RGR: variants seen among roughly 807,000 people sequenced by gnomAD.
RGR encodes the protein RPE-retinal G protein-coupled receptor.
A neutral mutation model predicts 28.6 loss-of-function variants in RGR; 30 were observed. That is an observed-to-expected ratio of 1.05 (90% CI 0.78 to 1.42). RGR has a LOEUF of 1.42. Among genes scored for constraint, RGR ranks in the 40% most tolerant of loss-of-function variants. The pLI is 0.00. For synonymous variants in RGR, 180 were observed against 156.4 expected (o/e 1.15, Z -1.13); for missense variants, 404 against 375.6 (o/e 1.08, Z -0.62).
intron 3 of RGR, 133 bp from the exon 4 acceptor site, chr10:84,252,724 C>A: frequency 8.6e-7 from 1 of 1,168,448 alleles, no homozygotes; most frequent in Non-Finnish European, 1.3e-6. Context: ...ATCCTGTAAT[C>A]CCAGCACTTT....
Position 84,259,492 on chromosome 10 carries a change from T to A in RGR, c.*853T>A, listed in dbSNP as rs1362431533. 2 of 152,204 alleles carry A rather than the reference T, an allele frequency of 1.3e-5. No homozygotes were observed. Among genetic ancestry groups the A allele is most frequent in the Non-Finnish European group, 2.9e-5 (2 of 68,042 alleles). 9.4% of individuals were successfully genotyped at this position (152,204 alleles called of 1,614,324 possible). On this transcript the variant is annotated 3_prime_UTR_variant, in exon 7 of 7. Coordinates refer to ENST00000652092, the MANE Select transcript of RGR (RefSeq NM_001012720.2). The stretch of plus-strand genomic sequence containing the variant: ...CTGTTTTCCATAGGGGTTGTACTAA[T>A]TTACAGTCCCACCAACAGTGTATAG...
At chr10:84,249,959 T>A (rs1428751094) in intron 3 of RGR, among the ~76,000 whole-genome samples, 1 of 152,196 alleles carries the variant, frequency 6.6e-6, no homozygotes, top group East Asian at 1.9e-4. Context: ...ATCTGGGAAA[T>A]CACAGGTTTA....
chr10:84,245,361 T>G (rs1009944097), intron 1 of RGR, among the ~76,000 whole-genome samples, 192 bp downstream of exon 1: 1 of 152,026 alleles, frequency 6.6e-6, no homozygotes, highest in African/African-American at 2.4e-5. Flanking sequence ...TGCAGCACAC[T>G]GCCCGCTGGG....
intron 1 of RGR, among the ~76,000 whole-genome samples, chr10:84,246,418 T>C (rs945902157): frequency 6.6e-6 from 1 of 152,132 alleles, no homozygotes; most frequent in African/African-American, 2.4e-5. Context: ...GAGTCCATTG[T>C]GTCCTCTGAA....
In RGR at chr10:84,252,859, A is replaced by G; in HGVS notation, c.361A>G (p.Ser121Gly). The G allele has an allele frequency of 6.2e-7, 1 of 1,614,088 alleles. No individual in the cohort carries two copies. The highest frequency in any genetic ancestry group is 8.5e-7 in the Non-Finnish European group (1 of 1,180,026). The change falls in exon 4 of 7, where the codon AGC (serine) becomes GGC (glycine). Residue 121 changes from serine (S) to glycine (G), a missense_variant and splice_region_variant. Ser to Gly is a moderately conservative substitution (Grantham distance 56, BLOSUM62 0). Transcript: ENST00000652092. ...WGRYHHYCTR[S>G]QLAWNSAVSL... ...TCTTCTTCCTCTGTCCTGTGCAGGT[A>G]GCCAGCTGGCCTGGAACTCAGCCGT...
At chr10:84,245,514 T>A (rs1842736912) in intron 1 of RGR, among the ~76,000 whole-genome samples, 1 of 152,142 alleles carries the variant, frequency 6.6e-6, no homozygotes. Context: ...TTGGAAATCC[T>A]GCTGAGAATC....
Position 84,259,110 on chromosome 10 carries a change from A to C in RGR, c.*471A>C, listed in dbSNP as rs1842924193. 7 of 179,518 alleles carry C rather than the reference A, an allele frequency of 3.9e-5. No individual in the cohort carries two copies. The highest frequency in any genetic ancestry group is 3.7e-4 in the Admixed American group (7 of 18,718). The allele number at this position is 179,518 out of a possible 1,614,324, so 11.1% of individuals were successfully genotyped here. ...TGTACACATTATTTAGCTCCCACTTACAAGTGAGAACATGTGGTATTTGAC... is the reference window on the plus strand; with the variant it reads ...TGTACACATTATTTAGCTCCCACTTCCAAGTGAGAACATGTGGTATTTGAC... On this transcript the variant is annotated 3_prime_UTR_variant, in exon 7 of 7. Transcript: ENST00000652092.
At chr10:84,248,795 C>T in intron 2 of RGR, 127 bp from the exon 3 acceptor site, 1 of 1,561,768 alleles carries the variant, frequency 6.4e-7, no homozygotes, top group Non-Finnish European at 8.8e-7. Flanking sequence ...GGAAAGACAC[C>T]AATATTAAGG....
At position 84,252,937 on chromosome 10, in the gene RGR, C is replaced by G. The variant is rs1288757757; in HGVS notation, c.439C>G (p.Leu147Val). 6.2e-7 allele frequency: 1 copy of G among 1,614,002 alleles called. No individual in the cohort carries two copies. The highest frequency in any genetic ancestry group is 2.2e-5 in the East Asian group (1 of 44,888). ...TTCTGCCTTCTGGGCAGCTCTGCCCCTTCTGGGTTGGGGTCACTACGACTA... is the reference window on the plus strand; with the variant it reads ...TTCTGCCTTCTGGGCAGCTCTGCCCGTTCTGGGTTGGGGTCACTACGACTA... ...LSSAFWAALP[L>V]LGWGHYDYEP... Residue 147 changes from leucine to valine, a missense_variant, in exon 4 of 7, where the codon CTT becomes GTT. By Grantham distance (32) the Leu-to-Val change is conservative. Transcript: ENST00000652092.
At chr10:84,254,631 T>G (rs1326673171) in intron 5 of RGR, among the ~76,000 whole-genome samples, 188 bp downstream of exon 5, 1 of 152,196 alleles carries the variant, frequency 6.6e-6, no homozygotes, top group African/African-American at 2.4e-5. Context: ...CTCTGCGAAG[T>G]GAGATCAGCA....
At chr10:84,250,654 T>C (rs1223680359) in intron 3 of RGR, 3 of 555,538 alleles carry the variant, frequency 5.4e-6, no homozygotes, top group East Asian at 6.0e-5. Context: ...ACTGAGAGCA[T>C]GGCAGAGCAG....
intron 1 of RGR, 95 bp from the exon 2 acceptor site, chr10:84,247,496 A>G (rs1842760765): frequency 8.7e-6 from 12 of 1,382,552 alleles, no homozygotes; most frequent in Non-Finnish European, 1.0e-5. Flanking sequence ...TTGTCTGTCC[A>G]GGAGGTTGCT....
intron 5 of RGR, among the ~76,000 whole-genome samples, chr10:84,256,492 G>A (rs757053003): frequency 6.6e-6 from 1 of 152,226 alleles, no homozygotes; most frequent in African/African-American, 2.4e-5. Context: ...GTCAATCACA[G>A]TGCATGAAAG....
chr10:84,250,257 A>G, intron 3 of RGR: 1 of 688,950 alleles, frequency 1.5e-6, no homozygotes. Flanking sequence ...TAGCCAGCAC[A>G]GCCTCAAACC....
In RGR at chr10:84,248,945, G is replaced by A. The variant is rs748553547; in HGVS notation, c.260G>A (p.Gly87Asp). 2 of 1,614,138 alleles carry A rather than the reference G, an allele frequency of 1.2e-6. No homozygotes were observed. Among genetic ancestry groups the A allele is most frequent in the East Asian group, 2.2e-5 (1 of 44,880 alleles). Reference sequence around the variant, plus strand: ...AGGCGCTGGCCCTACGGCTCGGACGGCTGCCAGGCTCACGGCTTCCAGGGC... The same window carrying A: ...AGGCGCTGGCCCTACGGCTCGGACGACTGCCAGGCTCACGGCTTCCAGGGC... ...LLRRWPYGSD[G>D]CQAHGFQGFV... The change falls in exon 3 of 7, where the codon GGC (glycine) becomes GAC (aspartate). Residue 87 changes from glycine (G) to aspartate (D), a missense_variant. By Grantham distance (94) the Gly-to-Asp change is moderately conservative. Transcript: ENST00000652092.
chr10:84,247,663 G>T lies in RGR; in HGVS notation c.152G>T (p.Cys51Phe). 13 of 1,614,122 alleles carry T rather than the reference G, an allele frequency of 8.1e-6. No homozygotes were observed. Among genetic ancestry groups the T allele is most frequent in the Non-Finnish European group, 1.1e-5 (13 of 1,180,034 alleles). Reference protein sequence around the residue: ...FCKTPELRTPCHLLVLSLALA... With the variant: ...FCKTPELRTPFHLLVLSLALA... ...AAGACCCCGGAGCTGCGGACTCCCT[G>T]CCACCTACTGGTGCTGAGCTTGGCT... The change falls in exon 2 of 7, where the codon TGC becomes TTC. Residue 51 changes from cysteine (C) to phenylalanine (F), a missense_variant. Coordinates refer to ENST00000652092, the MANE Select transcript of RGR (RefSeq NM_001012720.2).
rs777466420 is a variant in RGR, at chr10:84,253,018, G to T, written c.512+8G>T. Reference sequence around the variant, plus strand: ...CTACTCCAAGGGGGACAGGTGAGGTGGGAGGAGCAGCTTCGAGGCTCCTAT... The same window carrying T: ...CTACTCCAAGGGGGACAGGTGAGGTTGGAGGAGCAGCTTCGAGGCTCCTAT... On this transcript the variant is annotated splice_region_variant and intron_variant, in intron 4 of 6. Transcript: ENST00000652092. 3 of 1,612,302 alleles carry T rather than the reference G, an allele frequency of 1.9e-6. No homozygotes were observed. In the African/African-American group the frequency reaches 4.0e-5, roughly 22 times the overall value.
chr10:84,245,665 G>A (rs1020029982), intron 1 of RGR, among the ~76,000 whole-genome samples: 4 of 152,138 alleles, frequency 2.6e-5, no homozygotes, highest in Non-Finnish European at 5.9e-5. Flanking sequence ...GATTAAATGG[G>A]ATAATGGGTA....
intron 3 of RGR, among the ~76,000 whole-genome samples, chr10:84,251,514 C>A (rs1842818188): frequency 6.6e-6 from 1 of 152,172 alleles, no homozygotes; most frequent in African/African-American, 2.4e-5. Flanking sequence ...CATGTCCTCA[C>A]ATTAAAAGAG....
Sources: gnomAD v4.1 joint callset for allele counts (sites outside exome capture counted in the v4.1 genomes callset) on GRCh38, gnomAD v4.1.1 for gene constraint, MANE v1.5 for transcripts, NCBI Gene and HGNC (gene_info 2026-07-23, HGNC 2026-07-21) for gene names.